ITGBL1: variants seen among roughly 807,000 people sequenced by gnomAD.
The protein encoded by ITGBL1 is integrin subunit beta like 1, also known as integrin beta-like protein 1.
In ITGBL1, 51 loss-of-function variants were observed where a neutral mutation model predicts 68.5. That is an observed-to-expected ratio of 0.74 (90% CI 0.59 to 0.94). The LOEUF (loss-of-function observed/expected upper bound fraction) is 0.94, where lower values mean the gene tolerates loss of function less well. Ranked by LOEUF, ITGBL1 falls within the 40% of genes least tolerant of loss-of-function variation. The pLI, the probability that ITGBL1 is intolerant of heterozygous loss-of-function variation, is 0.00. For missense variants in ITGBL1, 649 were observed against 647.4 expected (o/e 1.00, Z -0.03); for synonymous variants, 209 against 227.3 (o/e 0.92, Z 0.72).
intron 7 of ITGBL1, among the ~76,000 whole-genome samples, chr13:101,636,150 T>C (rs557775868): frequency 1.7e-4 from 26 of 152,240 alleles, no homozygotes; most frequent in African/African-American, 5.3e-4. Flanking sequence ...CTCTTTTCAG[T>C]TTGTCCCTAT....
chr13:101,648,818 G>A (rs1006202186), intron 7 of ITGBL1, among the ~76,000 whole-genome samples: 3 of 151,976 alleles, frequency 2.0e-5, no homozygotes, highest in African/African-American at 7.2e-5. Context: ...CTAGGTTAGT[G>A]GTGGAGTTGG....
intron 2 of ITGBL1, among the ~76,000 whole-genome samples, chr13:101,460,671 G>T (rs116665609): frequency 0.014 from 2,112 of 152,252 alleles, 49 homozygotes; most frequent in African/African-American, 0.045. Context: ...GGTTTATTTG[G>T]CTTACAGTTT....
At chr13:101,619,935 C>T (rs118076777) in intron 7 of ITGBL1, among the ~76,000 whole-genome samples, 5 of 152,224 alleles carry the variant, frequency 3.3e-5, no homozygotes, top group East Asian at 3.9e-4. Context: ...CAAAGCACAA[C>T]TTTATAGCTT....
At chr13:101,708,026 A>AACACACACACACACACACACACAC (rs3062945) in intron 9 of ITGBL1, among the ~76,000 whole-genome samples, 1 of 144,338 alleles carries the variant, frequency 6.9e-6, no homozygotes, top group Non-Finnish European at 1.5e-5. Flanking sequence ...CACACATGCA[A>AACACACACACACACACACACACAC]ACACACACAC....
intron 2 of ITGBL1, among the ~76,000 whole-genome samples, chr13:101,516,520 G>A (rs909498391): frequency 6.6e-5 from 10 of 151,978 alleles, no homozygotes; most frequent in Admixed American, 2.6e-4. Flanking sequence ...CCACAATATC[G>A]CAACTAGTAA....
intron 7 of ITGBL1, among the ~76,000 whole-genome samples, chr13:101,607,478 A>G (rs978065371): frequency 6.6e-6 from 1 of 152,014 alleles, no homozygotes; most frequent in African/African-American, 2.4e-5. Context: ...AAAATAATTC[A>G]ATCAATCCTC....
At chr13:101,706,665 T>C in intron 8 of ITGBL1, 91 bp from the exon 9 acceptor site, 1 of 1,292,648 alleles carries the variant, frequency 7.7e-7, no homozygotes, top group Admixed American at 2.4e-5. Context: ...GGAAATGAGA[T>C]CCTATGGTTT....
At chr13:101,463,299 C>T (rs1327691037) in intron 2 of ITGBL1, among the ~76,000 whole-genome samples, 1 of 152,118 alleles carries the variant, frequency 6.6e-6, no homozygotes, top group Non-Finnish European at 1.5e-5. Flanking sequence ...TCCCAACAAG[C>T]TTGCCTACTC....
At chr13:101,602,713 A>G (rs916646846) in intron 7 of ITGBL1, among the ~76,000 whole-genome samples, 1 of 151,958 alleles carries the variant, frequency 6.6e-6, no homozygotes, top group African/African-American at 2.4e-5. Context: ...CTGTTACCCT[A>G]TAGCAGCCAC....
At chr13:101,574,825 T>C (rs1021599571) in intron 3 of ITGBL1, among the ~76,000 whole-genome samples, 2 of 151,980 alleles carry the variant, frequency 1.3e-5, no homozygotes, top group African/African-American at 4.8e-5. Context: ...GAGAATCTGG[T>C]GAGTTACCAG....
rs151267719 is a variant in ITGBL1 at position 101,644,480 on chromosome 13, G to A, written c.1015+46181G>A. On this transcript the variant is annotated intron_variant, in intron 7 of 10. Coordinates refer to ENST00000376180, the MANE Select transcript of ITGBL1 (RefSeq NM_004791.3). ...ACTGATGTCGCCTTGGAGATATTAA[G>A]TAGGATATCCTCAGATTTATAACTA... Among the ~76,000 whole-genome samples, 168 of 152,234 alleles carry A rather than the reference G, an allele frequency of 1.1e-3. 1 individual carries two copies. Among genetic ancestry groups the A allele is most frequent in the African/African-American group, 3.5e-3 (147 of 41,550 alleles).
At chr13:101,468,789 C>T (rs368459193) in intron 2 of ITGBL1, among the ~76,000 whole-genome samples, 14 of 152,174 alleles carry the variant, frequency 9.2e-5, no homozygotes, top group East Asian at 7.7e-4. Context: ...GTGAGATAGC[C>T]GAAATCACTG....
chr13:101,606,703 G>T (rs2030882715), intron 7 of ITGBL1, among the ~76,000 whole-genome samples: 1 of 152,024 alleles, frequency 6.6e-6, no homozygotes, highest in Non-Finnish European at 1.5e-5. Flanking sequence ...AGGATTTGCA[G>T]TGCTGGAGAT....
intron 7 of ITGBL1, among the ~76,000 whole-genome samples, chr13:101,610,452 C>T (rs1311368895): frequency 6.6e-6 from 1 of 152,132 alleles, no homozygotes; most frequent in Non-Finnish European, 1.5e-5. Flanking sequence ...AATGCAGATA[C>T]TCTACACTCA....
intron 7 of ITGBL1, 125 bp downstream of exon 7, chr13:101,598,424 T>A (rs2030126162): frequency 1.4e-6 from 1 of 707,482 alleles, no homozygotes; most frequent in African/African-American, 1.9e-5. Context: ...TTTTGTTTTT[T>A]ATTTTTTTAT....
chr13:101,515,794 T>A (rs924877051), intron 2 of ITGBL1, among the ~76,000 whole-genome samples: 1 of 152,122 alleles, frequency 6.6e-6, no homozygotes, highest in Non-Finnish European at 1.5e-5. Context: ...ATCAGATTGA[T>A]CTTCTCTGCG....
intron 2 of ITGBL1, among the ~76,000 whole-genome samples, chr13:101,561,942 T>C (rs1019727878): frequency 2.0e-5 from 3 of 152,210 alleles, no homozygotes; most frequent in African/African-American, 7.2e-5. Context: ...GTTTTATTTT[T>C]AGTTGCTCTA....
chr13:101,660,702 A>G (rs1359116629), intron 7 of ITGBL1, among the ~76,000 whole-genome samples: 6 of 152,192 alleles, frequency 3.9e-5, no homozygotes, highest in East Asian at 1.9e-4. Flanking sequence ...CCCATGCCCA[A>G]AAATGTGCGA....
chr13:101,645,064 T>G (rs567616467), intron 7 of ITGBL1, among the ~76,000 whole-genome samples: 15 of 152,228 alleles, frequency 9.9e-5, no homozygotes, highest in African/African-American at 3.6e-4. Context: ...CAAATGGCAG[T>G]TTAAACAAAT....
Sources: gnomAD v4.1 joint callset for allele counts (sites outside exome capture counted in the v4.1 genomes callset) on GRCh38, gnomAD v4.1.1 for gene constraint, MANE v1.5 for transcripts, NCBI Gene and HGNC (gene_info 2026-07-23, HGNC 2026-07-21) for gene names.